The following NEGR1 variants were observed in gnomAD, a reference collection of about 807,000 sequenced individuals.
The protein encoded by NEGR1 is IgLON family member 4.
In NEGR1, 10 loss-of-function variants were observed where a neutral mutation model predicts 40.9. The ratio of observed to expected loss-of-function variants is 0.24; its 90% confidence interval spans 0.15 to 0.42. The LOEUF is 0.42. NEGR1 is among the 10% of genes least tolerant of loss of function. The pLI, the probability that NEGR1 is intolerant of heterozygous loss-of-function variation, is 1.00. For missense variants in NEGR1, 352 were observed against 438.9 expected, an observed-to-expected ratio of 0.80 and a Z score of 1.77; for synonymous variants, 185 against 166.8, an observed-to-expected ratio of 1.11 and a Z score of -0.84.
At chr1:71,545,479 G>A (rs991757699) in intron 6 of NEGR1, among the ~76,000 whole-genome samples, 2 of 151,684 alleles carry the variant, frequency 1.3e-5, no homozygotes, top group Non-Finnish European at 2.9e-5. Flanking sequence ...TAAAAATCCA[G>A]TCTTGTAGAT....
At chr1:71,980,459 T>C (rs1447151606) in intron 1 of NEGR1, among the ~76,000 whole-genome samples, 1 of 152,140 alleles carries the variant, frequency 6.6e-6, no homozygotes, top group East Asian at 1.9e-4. Flanking sequence ...TGCCACCATT[T>C]ATTTTCATTT....
intron 3 of NEGR1, among the ~76,000 whole-genome samples, chr1:71,760,675 A>C (rs1655909817): frequency 6.6e-6 from 1 of 152,218 alleles, no homozygotes; most frequent in Admixed American, 6.5e-5. Context: ...TGTCATCAGC[A>C]TAATTTGCCG....
chr1:71,442,137 C>A (rs1409489728), intron 6 of NEGR1, among the ~76,000 whole-genome samples: 2 of 150,956 alleles, frequency 1.3e-5, no homozygotes, highest in African/African-American at 4.9e-5. Context: ...AAAAACCTCT[C>A]TATAAATGCA....
intron 2 of NEGR1, among the ~76,000 whole-genome samples, chr1:71,852,207 G>A (rs1659626721): frequency 6.6e-6 from 1 of 152,062 alleles, no homozygotes; most frequent in Non-Finnish European, 1.5e-5. Context: ...TTGCACTGGA[G>A]ACAGACAATG....
intron 1 of NEGR1, among the ~76,000 whole-genome samples, chr1:72,054,831 C>A (rs999545046): frequency 2.6e-5 from 4 of 151,028 alleles, no homozygotes; most frequent in African/African-American, 7.3e-5. Context: ...CTATTTCTTT[C>A]TCTGCATTAG....
chr1:72,207,074 G>GAA (rs199886981), intron 1 of NEGR1, among the ~76,000 whole-genome samples: 1 of 109,454 alleles, frequency 9.1e-6, no homozygotes, highest in Non-Finnish European at 1.9e-5. Flanking sequence ...TGTTTAGGAT[G>GAA]AAAAAAAAAA....
chr1:71,959,053 T>C (rs192511046), intron 1 of NEGR1, among the ~76,000 whole-genome samples: 228 of 152,284 alleles, frequency 1.5e-3, no homozygotes, highest in Admixed American at 0.014. Context: ...TTTGCTGATA[T>C]GATCTCACAG....
chr1:71,821,776 A>C (rs2101777446), intron 2 of NEGR1, among the ~76,000 whole-genome samples: 1 of 152,174 alleles, frequency 6.6e-6, no homozygotes, highest in African/African-American at 2.4e-5. Flanking sequence ...ATGTCCTGGT[A>C]GAGACAGAGC....
chr1:71,644,473 C>T (rs1651466611), intron 4 of NEGR1, among the ~76,000 whole-genome samples: 1 of 151,774 alleles, frequency 6.6e-6, no homozygotes, highest in Admixed American at 6.6e-5. Flanking sequence ...GCTTTTAATG[C>T]TAACTGTTTA....
intron 3 of NEGR1, among the ~76,000 whole-genome samples, chr1:71,764,853 G>A (rs1171121180): frequency 2.0e-5 from 3 of 152,142 alleles, no homozygotes; most frequent in Admixed American, 6.5e-5. Context: ...TCGAAAATCA[G>A]AAAAATAGTT....
chr1:71,786,148 A>G (rs1194685139), intron 2 of NEGR1, among the ~76,000 whole-genome samples: 1 of 152,234 alleles, frequency 6.6e-6, no homozygotes, highest in East Asian at 1.9e-4. Flanking sequence ...AAAGTAGCAT[A>G]TTAGGTTGTA....
Position 71,452,136 on chromosome 1 carries a change from A to G in NEGR1, c.941-44566T>C, listed in dbSNP as rs533172211. Among the ~76,000 whole-genome samples the G allele has an allele frequency of 2.6e-5, 4 of 152,308 alleles. No individual in the cohort carries two copies. In the South Asian group the frequency reaches 6.2e-4, roughly 24 times the overall value. On this transcript the variant is annotated intron_variant, in intron 6 of 6. Coordinates refer to ENST00000357731, the MANE Select transcript of NEGR1 (RefSeq NM_173808.3). ...CATTTGTAAACCCCCCAACACACATACACACACTCACACATATCCATTCAT... is the reference window on the plus strand; with the variant it reads ...CATTTGTAAACCCCCCAACACACATGCACACACTCACACATATCCATTCAT...
At chr1:72,231,111 G>T (rs1384524974) in intron 1 of NEGR1, among the ~76,000 whole-genome samples, 2 of 152,138 alleles carry the variant, frequency 1.3e-5, no homozygotes, top group Non-Finnish European at 2.9e-5. Flanking sequence ...GAAGCAACAT[G>T]AGAAAGTAGG....
Position 71,431,036 on chromosome 1 carries a change from C to T in NEGR1, c.941-23466G>A, listed in dbSNP as rs1033261972. Among the ~76,000 whole-genome samples the T allele has an allele frequency of 5.3e-5, 8 of 151,666 alleles. No individual in the cohort carries two copies. The South Asian group carries it at 6.3e-4, about 12-fold the overall frequency. ...TGCTGGGATTACAGGCGTGAGCCACCGCGCCCGGCCAAAAAAGACTTTTTT... is the reference window on the plus strand; with the variant it reads ...TGCTGGGATTACAGGCGTGAGCCACTGCGCCCGGCCAAAAAAGACTTTTTT... On this transcript the variant is annotated intron_variant, in intron 6 of 6. Coordinates refer to ENST00000357731, the MANE Select transcript of NEGR1 (RefSeq NM_173808.3).
chr1:71,729,834 T>TTTTGG, intron 3 of NEGR1, among the ~76,000 whole-genome samples: 1 of 150,304 alleles, frequency 6.7e-6, no homozygotes, highest in East Asian at 2.0e-4. Context: ...TTTTGTTTTG[T>TTTTGG]TTTTTGGTTT....
intron 1 of NEGR1, among the ~76,000 whole-genome samples, chr1:72,275,576 A>C (rs1656020051): frequency 6.6e-6 from 1 of 152,158 alleles, no homozygotes; most frequent in African/African-American, 2.4e-5. Flanking sequence ...AATGAATGAT[A>C]TCAAGAAATT....
intron 6 of NEGR1, among the ~76,000 whole-genome samples, chr1:71,467,003 T>C (rs1043308144): frequency 1.3e-5 from 2 of 152,122 alleles, no homozygotes; most frequent in African/African-American, 4.8e-5. Flanking sequence ...TCTCATAATT[T>C]TAATGGATTT....
intron 3 of NEGR1, among the ~76,000 whole-genome samples, chr1:71,766,188 A>AAG (rs1553163897): frequency 5.5e-4 from 84 of 151,828 alleles, no homozygotes; most frequent in African/African-American, 2.0e-3. Context: ...AAAAAAAAAA[A>AAG]AAGAAGAGAT....
chr1:71,472,102 A>G (rs188441459), intron 6 of NEGR1, among the ~76,000 whole-genome samples: 11 of 152,270 alleles, frequency 7.2e-5, no homozygotes, highest in Admixed American at 5.9e-4. Context: ...TGGGAAATAT[A>G]CAACTAAACA....
Sources: allele counts gnomAD v4.1 joint callset (sites outside exome capture counted in the v4.1 genomes callset), GRCh38; gene constraint gnomAD v4.1.1; transcripts MANE v1.5; gene names NCBI Gene and HGNC (gene_info 2026-07-23, HGNC 2026-07-21).